The following PIGZ variants were observed in gnomAD, a reference collection of about 807,000 sequenced individuals.
PIGZ encodes the protein phosphatidylinositol glycan anchor biosynthesis class Z (Gwada blood group), also known as GPI alpha-1,2-mannosyltransferase 4.
In PIGZ, 16 loss-of-function variants were observed where a neutral mutation model predicts 16.4. The ratio of observed to expected loss-of-function variants is 0.97; its 90% CI spans 0.66 to 1.48. The LOEUF is 1.48. Ranked by LOEUF, PIGZ falls within the 40% of genes most tolerant of loss-of-function variation. PIGZ has a pLI of 0.00. For synonymous variants in PIGZ, 409 were observed against 338.4 expected (o/e 1.21, Z -2.29); for missense variants, 770 against 739.2 (o/e 1.04, Z -0.48).
At chr3:196,962,656 TTACTGCACGGCAATACTGATC>T (rs1267622885) in intron 1 of PIGZ, among the ~76,000 whole-genome samples, 1 of 117,288 alleles carries the variant, frequency 8.5e-6, no homozygotes, top group African/African-American at 3.7e-5. Context: ...ATACTGATCT[TTACTGCACGGCAATACTGATC>T]TTTACTGCAC....
Position 196,948,177 on chromosome 3 carries a change from G to A in PIGZ, c.720C>T (p.Leu240=), listed in dbSNP as rs749774820. ...FLAFAVVPLY[L]WGTRGATNPG... ...GGTTTGTGGCTCCACGAGTGCCCCA[G>A]AGGTAGAGGGGGACCACAGCAAAGG... Residue 240 remains leucine (L), a synonymous_variant, in exon 3 of 3, where the codon CTC becomes CTT. Transcript: ENST00000412723. 6.2e-7 allele frequency: 1 copy of A among 1,614,010 alleles called. No homozygotes were observed. The highest frequency in any genetic ancestry group is 8.5e-7 in the Non-Finnish European group (1 of 1,179,906).
chr3:196,956,255 T>C (rs1449011306), intron 1 of PIGZ, among the ~76,000 whole-genome samples: 1 of 152,100 alleles, frequency 6.6e-6, no homozygotes, highest in Non-Finnish European at 1.5e-5. Context: ...CGAAACTGGG[T>C]AATTTATAAA....
chr3:196,946,906 TGTC>T lies in PIGZ; in HGVS notation c.*248_*250del. ...AAGCAACAGGGCAGGAACAGACAGG[TGTC>T]GTCACTTAACCTGGTCTTTGGGGAC... On this transcript the variant is annotated 3_prime_UTR_variant, in exon 3 of 3. Coordinates refer to ENST00000412723, the MANE Select transcript of PIGZ (RefSeq NM_025163.4). 1 of 441,056 alleles carries T rather than the reference TGTC, an allele frequency of 2.3e-6. No individual in the cohort carries two copies. The allele number at this position is 441,056 out of a possible 1,614,324, so 27.3% of individuals were successfully genotyped here. A position where few individuals can be genotyped will look rare whatever the true frequency, so the allele number is the denominator to read the frequency against.
chr3:196,953,666 C>T (rs1428717926), intron 1 of PIGZ, among the ~76,000 whole-genome samples: 1 of 152,194 alleles, frequency 6.6e-6, no homozygotes, highest in Non-Finnish European at 1.5e-5. Flanking sequence ...AGTGATGTTG[C>T]CCTGACTTCT....
chr3:196,963,953 T>C (rs1285210801), intron 1 of PIGZ, among the ~76,000 whole-genome samples: 6 of 152,276 alleles, frequency 3.9e-5, no homozygotes, highest in Non-Finnish European at 7.3e-5. Context: ...ATTGCTTCTT[T>C]TCTGAGCTTC....
chr3:196,961,670 C>G lies in PIGZ; in HGVS notation c.-1+7017G>C, dbSNP rs556535755. ...GGTCCCTTGCCGCTTCTCAGGTCAGCCTTGATGCTGCCTTTCTCTTTGTGT... is the reference window on the plus strand; with the variant it reads ...GGTCCCTTGCCGCTTCTCAGGTCAGGCTTGATGCTGCCTTTCTCTTTGTGT... On this transcript the variant is annotated intron_variant, in intron 1 of 2. Transcript: ENST00000412723. Among the ~76,000 whole-genome samples, 10 of 152,324 alleles carry G rather than the reference C, an allele frequency of 6.6e-5. No individual in the cohort carries two copies. In the South Asian group the frequency reaches 2.1e-3, roughly 32 times the overall value.
intron 1 of PIGZ, among the ~76,000 whole-genome samples, chr3:196,956,934 CTGTCT>C (rs1260151993): frequency 6.6e-6 from 1 of 152,152 alleles, no homozygotes; most frequent in African/African-American, 2.4e-5. Context: ...TCTGAATCTG[CTGTCT>C]TGTTTCTGCT....
chr3:196,948,851 T>C (rs1339257043), intron 2 of PIGZ, among the ~76,000 whole-genome samples, 166 bp from the exon 3 acceptor site: 44 of 133,794 alleles, frequency 3.3e-4, no homozygotes, highest in African/African-American at 1.2e-3. Flanking sequence ...CTCTCCCTCC[T>C]TCTTTCCCTT....
At chr3:196,948,790 C>G in intron 2 of PIGZ, 105 bp from the exon 3 acceptor site, 3 of 818,866 alleles carry the variant, frequency 3.7e-6, no homozygotes, top group Non-Finnish European at 5.5e-6. Context: ...GTGTGCCCTG[C>G]GTAATCCCTG....
intron 1 of PIGZ, among the ~76,000 whole-genome samples, chr3:196,960,317 A>G (rs1036636631): frequency 6.6e-6 from 1 of 152,120 alleles, no homozygotes; most frequent in Admixed American, 6.6e-5. Flanking sequence ...AACCTTCACC[A>G]TTTGGTATCA....
At position 196,947,940 on chromosome 3, in the gene PIGZ, T is replaced by G; in HGVS notation, c.957A>C (p.Ala319=). 6.2e-7 allele frequency: 1 copy of G among 1,613,552 alleles called. No individual in the cohort carries two copies. The highest frequency in any genetic ancestry group is 8.5e-7 in the Non-Finnish European group (1 of 1,179,714). Residue 319 remains alanine, a synonymous_variant, in exon 3 of 3, where the codon GCA becomes GCC. Transcript: ENST00000412723. Reference sequence around the variant, plus strand: ...CCCCGAAGAGCAGGAAGCCGTTGACTGCCAGGTGAGTGAGCCGCGCGTGCG... The same window carrying G: ...CCCCGAAGAGCAGGAAGCCGTTGACGGCCAGGTGAGTGAGCCGCGCGTGCG... ...HGTHARLTHL[A]VNGFLLFGVL...
At chr3:196,957,676 G>A (rs181954849) in intron 1 of PIGZ, among the ~76,000 whole-genome samples, 9 of 152,218 alleles carry the variant, frequency 5.9e-5, no homozygotes, top group East Asian at 1.9e-4. Context: ...CACTGTGCCC[G>A]GCCAAATTTA....
Position 196,947,952 on chromosome 3 carries a change from G to A in PIGZ, c.945C>T (p.Leu315=), listed in dbSNP as rs770565199. 2.1e-5 allele frequency: 34 copies of A among 1,612,796 alleles called. No homozygotes were observed. The highest frequency in any genetic ancestry group is 2.8e-5 in the Non-Finnish European group (33 of 1,179,354). Residue 315 remains leucine, a synonymous_variant, in exon 3 of 3, where the codon CTC becomes CTT. Coordinates refer to ENST00000412723, the MANE Select transcript of PIGZ (RefSeq NM_025163.4). ...GGAAGCCGTTGACTGCCAGGTGAGTGAGCCGCGCGTGCGTGCCATGTCTCG... is the reference window on the plus strand; with the variant it reads ...GGAAGCCGTTGACTGCCAGGTGAGTAAGCCGCGCGTGCGTGCCATGTCTCG... ...NLARHGTHAR[L]THLAVNGFLL... is the part of the protein sequence containing the mutation.
intron 1 of PIGZ, among the ~76,000 whole-genome samples, chr3:196,956,709 C>T (rs1024973598): frequency 1.3e-5 from 2 of 152,202 alleles, no homozygotes; most frequent in Non-Finnish European, 2.9e-5. Context: ...TTCCATGTCT[C>T]TAATCATCCT....
chr3:196,953,955 T>G (rs1717385246), intron 1 of PIGZ, among the ~76,000 whole-genome samples: 1 of 151,232 alleles, frequency 6.6e-6, no homozygotes. Context: ...ATCACACTAC[T>G]GCACTTCTGC....
chr3:196,958,491 C>T (rs1717586479), intron 1 of PIGZ, among the ~76,000 whole-genome samples: 2 of 152,220 alleles, frequency 1.3e-5, no homozygotes, highest in East Asian at 1.9e-4. Flanking sequence ...ATTAGCAGGG[C>T]GTGGTGGCGG....
chr3:196,957,714 G>A (rs1028815240), intron 1 of PIGZ, among the ~76,000 whole-genome samples: 7 of 152,186 alleles, frequency 4.6e-5, no homozygotes, highest in South Asian at 2.1e-4. Flanking sequence ...ATATTAGAAC[G>A]TGGCCCTCCA....
At position 196,948,045 on chromosome 3, in the gene PIGZ, A is replaced by C. The variant is rs1147240; in HGVS notation, c.852T>G (p.Ala284=). ...ATDSWYFSSP[A]TSRNLVLTPV... is the part of the protein sequence containing the mutation. ...GTGTCAGGACAAGGTTCCTGGATGT[A>C]GCGGGGCTGGAGAAATACCAGCTGT... Residue 284 remains alanine (A), a synonymous_variant, in exon 3 of 3, where the codon GCT becomes GCG. Coordinates refer to ENST00000412723, the MANE Select transcript of PIGZ (RefSeq NM_025163.4). 647,226 of 1,590,412 alleles carry C rather than the reference A, an allele frequency of 0.41. 140,136 individuals are homozygous for C. The highest frequency in any genetic ancestry group is 0.79 in the East Asian group (35,064 of 44,442).
Position 196,947,070 on chromosome 3 carries a change from C to T in PIGZ, c.*87G>A. ...TCATGAAGGAGGACGGGGTCCTGTC[C>T]CAGCGTCCCAGCCCAGCTACCCAAG... On this transcript the variant is annotated 3_prime_UTR_variant, in exon 3 of 3. Transcript: ENST00000412723. 1 of 1,260,864 alleles carries T rather than the reference C, an allele frequency of 7.9e-7. No individual in the cohort carries two copies. Among genetic ancestry groups the T allele is most frequent in the East Asian group, 2.4e-5 (1 of 42,012 alleles). 78.1% of individuals were successfully genotyped at this position (1,260,864 alleles called of 1,614,324 possible).
Sources: gnomAD v4.1 joint callset for allele counts (sites outside exome capture counted in the v4.1 genomes callset) on GRCh38, gnomAD v4.1.1 for gene constraint, MANE v1.5 for transcripts, NCBI Gene and HGNC (gene_info 2026-07-23, HGNC 2026-07-21) for gene names.